The following IL1RAPL1 variants were observed in gnomAD, a reference collection of about 807,000 sequenced individuals.
IL1RAPL1 encodes interleukin 1 receptor accessory protein like 1.
In IL1RAPL1, 3 loss-of-function variants were observed where a neutral mutation model predicts 48.4. That is an observed-to-expected ratio of 0.06 (90% CI 0.03 to 0.16). IL1RAPL1 has a LOEUF of 0.16. Ranked by LOEUF, IL1RAPL1 falls within the 10% of genes least tolerant of loss-of-function variation. IL1RAPL1 has a pLI of 1.00. For synonymous variants in IL1RAPL1, 185 were observed against 187.7 expected (o/e 0.99, Z 0.12); for missense variants, 349 against 530.6 (o/e 0.66, Z 3.36).
At chrX:28,674,480 T>A (rs1361274543) in intron 1 of IL1RAPL1, among the ~76,000 whole-genome samples, 1 of 111,849 alleles carries the variant, frequency 8.9e-6, no homozygotes. Flanking sequence ...CAACAAAATA[T>A]TTTGAGGGAG....
At chrX:29,086,412 A>G (rs921654528) in intron 2 of IL1RAPL1, among the ~76,000 whole-genome samples, 3 of 112,313 alleles carry the variant, frequency 2.7e-5, no homozygotes, top group South Asian at 3.7e-4. Context: ...TTATCTGTCA[A>G]TCTCAAGGTA....
At chrX:29,226,132 T>C (rs749842039) in intron 2 of IL1RAPL1, among the ~76,000 whole-genome samples, 1 of 111,877 alleles carries the variant, frequency 8.9e-6, no homozygotes, top group African/African-American at 3.2e-5. Context: ...CAGTGTACTG[T>C]ATATAGAAGT....
chrX:29,069,628 A>AACACACACACACAC (rs56373899), intron 2 of IL1RAPL1, among the ~76,000 whole-genome samples: 925 of 83,700 alleles, frequency 0.011, 12 homozygotes, highest in Non-Finnish European at 0.018. Context: ...TTTCCTATAG[A>AACACACACACACAC]ACACACACAC....
intron 2 of IL1RAPL1, among the ~76,000 whole-genome samples, chrX:29,221,006 A>G (rs1280758633): frequency 9.1e-6 from 1 of 110,338 alleles, no homozygotes; most frequent in African/African-American, 3.3e-5. Context: ...TGCAACCTCC[A>G]CCTACCGGGT....
chrX:29,774,763 A>G (rs1035149894), intron 6 of IL1RAPL1, among the ~76,000 whole-genome samples: 2 of 111,976 alleles, frequency 1.8e-5, no homozygotes, highest in Admixed American at 1.9e-4. Flanking sequence ...GTCTGTCTGC[A>G]AACTAACATT....
chrX:29,766,129 G>A (rs1032681100), intron 6 of IL1RAPL1, among the ~76,000 whole-genome samples: 6 of 107,441 alleles, frequency 5.6e-5, no homozygotes, highest in Non-Finnish European at 9.6e-5. Flanking sequence ...AAGAGATTGA[G>A]ACCATCCTGG....
chrX:29,740,122 G>GAAAAAAAAA (rs1172511347), intron 6 of IL1RAPL1, among the ~76,000 whole-genome samples: 4 of 52,294 alleles, frequency 7.6e-5, no homozygotes, highest in Non-Finnish European at 1.1e-4. Context: ...CAAAAAAACA[G>GAAAAAAAAA]AAAAAAAAAA....
At chrX:28,967,519 T>C (rs1228633538) in intron 2 of IL1RAPL1, among the ~76,000 whole-genome samples, 1 of 111,710 alleles carries the variant, frequency 9.0e-6, no homozygotes, top group Non-Finnish European at 1.9e-5. Context: ...TTCTTCTTAT[T>C]CTTTAAATTA....
intron 2 of IL1RAPL1, among the ~76,000 whole-genome samples, chrX:29,165,046 C>T (rs998836249): frequency 5.4e-5 from 6 of 111,946 alleles, no homozygotes; most frequent in African/African-American, 1.6e-4. Flanking sequence ...AGGCCGAGTG[C>T]GGTGGCTCAC....
chrX:29,440,992 G>A (rs1934541397), intron 5 of IL1RAPL1, among the ~76,000 whole-genome samples: 1 of 111,648 alleles, frequency 9.0e-6, no homozygotes, highest in Non-Finnish European at 1.9e-5. Context: ...CTCTACTGAT[G>A]TCTGTGTCAT....
chrX:29,795,045 C>T (rs1216384037), intron 6 of IL1RAPL1, among the ~76,000 whole-genome samples: 1 of 111,935 alleles, frequency 8.9e-6, no homozygotes, highest in Middle Eastern at 4.2e-3. Flanking sequence ...TATACAGATA[C>T]GTAACTTACA....
chrX:28,739,319 T>C (rs187708669), intron 1 of IL1RAPL1, among the ~76,000 whole-genome samples: 11 of 111,153 alleles, frequency 9.9e-5, no homozygotes, highest in Admixed American at 1.9e-4. Context: ...TTAGAAATTA[T>C]ATATTTTGCT....
At chrX:28,797,345 C>G (rs769398838) in intron 2 of IL1RAPL1, among the ~76,000 whole-genome samples, 8 of 111,958 alleles carry the variant, frequency 7.1e-5, no homozygotes, top group Non-Finnish European at 1.5e-4. Flanking sequence ...ATTTTCTTTT[C>G]TATCACATTG....
In IL1RAPL1 at chrX:29,768,737, T is replaced by C. The variant is rs749882858; in HGVS notation, c.778+100233T>C. Reference sequence around the variant, plus strand: ...TTTAAGCTTTCTCTTAAAAAGTCTATACATTATATTTGTGTTATTTAACAG... The same window carrying C: ...TTTAAGCTTTCTCTTAAAAAGTCTACACATTATATTTGTGTTATTTAACAG... On this transcript the variant is annotated intron_variant, in intron 6 of 10. Transcript: ENST00000378993. 4.5e-5 allele frequency among the ~76,000 whole-genome samples: 5 copies of C among 112,085 alleles called. No individual in the cohort carries two copies. The East Asian group carries it at 1.1e-3, about 25-fold the overall frequency.
rs189903833 is a variant in IL1RAPL1, at chrX:29,181,205, A to C, written c.83-101733A>C. ...GTGAAAACAATAATAGTCTCATCCT[A>C]GGTTTCTGATGAGGATTATATAATA... On this transcript the variant is annotated intron_variant, in intron 2 of 10. Coordinates refer to ENST00000378993, the MANE Select transcript of IL1RAPL1 (RefSeq NM_014271.4). Among the ~76,000 whole-genome samples the C allele has an allele frequency of 5.9e-4, 66 of 111,049 alleles. 1 individual carries two copies. The East Asian group carries it at 0.018, about 31-fold the overall frequency.
intron 2 of IL1RAPL1, among the ~76,000 whole-genome samples, chrX:29,063,031 T>C (rs570740632): frequency 1.3e-4 from 14 of 111,683 alleles, no homozygotes; most frequent in South Asian, 1.1e-3. Flanking sequence ...AGTACAATTA[T>C]TGATGTACTG....
At chrX:29,465,732 C>G (rs1206970859) in intron 5 of IL1RAPL1, among the ~76,000 whole-genome samples, 1 of 111,034 alleles carries the variant, frequency 9.0e-6, no homozygotes, top group Admixed American at 9.6e-5. Context: ...AGGTAGTTCT[C>G]AAACTCAACT....
rs766472908 is a variant in IL1RAPL1, at chrX:29,130,042, T to C, written c.83-152896T>C. Among the ~76,000 whole-genome samples, 32 of 111,813 alleles carry C rather than the reference T, an allele frequency of 2.9e-4. No homozygotes were observed. In the East Asian group the frequency reaches 3.1e-3, roughly 11 times the overall value. On this transcript the variant is annotated intron_variant, in intron 2 of 10. Transcript: ENST00000378993. ...TATCATTACATTTTTGGCTGTAAAG[T>C]GAATTGATACACAAAAGTCTTGGAA...
At chrX:29,809,748 G>C (rs1475747402) in intron 6 of IL1RAPL1, among the ~76,000 whole-genome samples, 10 of 108,932 alleles carry the variant, frequency 9.2e-5, no homozygotes, top group Non-Finnish European at 1.9e-4. Flanking sequence ...TTATTAAATA[G>C]GTTGATTAAA....
Sources: allele counts gnomAD v4.1 joint callset (sites outside exome capture counted in the v4.1 genomes callset), GRCh38; gene constraint gnomAD v4.1.1; transcripts MANE v1.5; gene names NCBI Gene and HGNC (gene_info 2026-07-23, HGNC 2026-07-21).